CEP164: variants seen among roughly 807,000 people sequenced by gnomAD.
CEP164 encodes centrosomal protein 164.
Under a neutral mutation model 182.7 loss-of-function variants are expected in CEP164, and 162 were observed. The observed-to-expected ratio is 0.89, with a 90% CI of 0.78 to 1.01. The LOEUF (loss-of-function observed/expected upper bound fraction) is 1.01, where lower values mean the gene tolerates loss of function less well. Among genes scored for constraint, CEP164 ranks in the 50% least tolerant of loss-of-function variants. The probability of loss-of-function intolerance (pLI) is 0.00; values close to 1 mark genes in which losing one functional copy is unlikely to be tolerated. For missense variants in CEP164, 1,735 were observed against 1,790.4 expected (o/e 0.97, Z 0.56); for synonymous variants, 661 against 690.0 (o/e 0.96, Z 0.66).
At chr11:117,373,407 T>C (rs1565517942) in intron 9 of CEP164, among the ~76,000 whole-genome samples, 1 of 151,920 alleles carries the variant, frequency 6.6e-6, no homozygotes, top group African/African-American at 2.4e-5. Flanking sequence ...GGAAAGATGT[T>C]CTCCTTCTGT....
At chr11:117,376,969 A>C (rs2042805630) in intron 11 of CEP164, among the ~76,000 whole-genome samples, 1 of 152,172 alleles carries the variant, frequency 6.6e-6, no homozygotes, top group Non-Finnish European at 1.5e-5. Context: ...GGGAGCTTGA[A>C]AAAAAGACAG....
chr11:117,383,038 G>T, intron 14 of CEP164, 96 bp downstream of exon 14: 2 of 1,412,188 alleles, frequency 1.4e-6, no homozygotes, highest in South Asian at 2.7e-5. Context: ...TGGGGCTCAG[G>T]CTCTGGCCAA....
chr11:117,395,746 GC>G, intron 24 of CEP164, 24 bp downstream of exon 24: 1 of 1,588,564 alleles, frequency 6.3e-7, no homozygotes, highest in Non-Finnish European at 8.6e-7. Flanking sequence ...CCTGCACTTA[GC>G]CCTGCTGGCT....
At chr11:117,376,749 G>C (rs1391969178) in intron 11 of CEP164, among the ~76,000 whole-genome samples, 1 of 152,222 alleles carries the variant, frequency 6.6e-6, no homozygotes, top group Non-Finnish European at 1.5e-5. Context: ...CAGCTACCAG[G>C]TCCTTGTTGG....
chr11:117,377,707 T>G (rs941570004), intron 11 of CEP164, among the ~76,000 whole-genome samples: 4 of 152,172 alleles, frequency 2.6e-5, no homozygotes, highest in African/African-American at 9.7e-5. Flanking sequence ...TCATTTAAAA[T>G]ATTTGCAATG....
At chr11:117,375,849 C>G in intron 11 of CEP164, 58 bp downstream of exon 11, 1 of 1,505,648 alleles carries the variant, frequency 6.6e-7, no homozygotes, top group South Asian at 1.1e-5. Flanking sequence ...ACAACTTTTT[C>G]GGATGACCCA....
At chr11:117,410,207 A>G (rs2047193630) in intron 30 of CEP164, 1 of 615,220 alleles carries the variant, frequency 1.6e-6, no homozygotes, top group African/African-American at 1.8e-5. Context: ...GGGACGGTTT[A>G]GATGGAGCCT....
At chr11:117,387,129 A>T in intron 14 of CEP164, 74 bp from the exon 15 acceptor site, 1 of 1,316,566 alleles carries the variant, frequency 7.6e-7, no homozygotes, top group Non-Finnish European at 1.1e-6. Flanking sequence ...GATGTTCCGT[A>T]TCCATTCTAA....
In CEP164 at chr11:117,386,838, C is replaced by CTG. The variant is rs553243054; in HGVS notation, c.1725-362_1725-361dup. 2.2e-4 allele frequency: 50 copies of CTG among 231,582 alleles called. No homozygotes were observed. The South Asian group carries it at 3.7e-3, about 17-fold the overall frequency. The allele number at this position is 231,582 out of a possible 1,614,324, so 14.3% of individuals were successfully genotyped here. A position where few individuals can be genotyped will look rare whatever the true frequency, so the allele number is the denominator to read the frequency against. On this transcript the variant is annotated intron_variant, in intron 14 of 32. Transcript: ENST00000278935. ...CTCTAGCGGGGAGGTGGTAACGGGGCTGTGAGCCATTCTAGGAAGGAATCC... is the reference window on the plus strand; with the variant it reads ...CTCTAGCGGGGAGGTGGTAACGGGGCTGTGTGAGCCATTCTAGGAAGGAATCC...
At chr11:117,329,895 A>G (rs958105199) in intron 1 of CEP164, among the ~76,000 whole-genome samples, 12 of 148,034 alleles carry the variant, frequency 8.1e-5, no homozygotes, top group African/African-American at 3.0e-4. Context: ...CTTATTTGAA[A>G]AGTGAAGATA....
At position 117,382,838 on chromosome 11, in the gene CEP164, G is replaced by A. The variant is rs1390391257; in HGVS notation, c.1620G>A (p.Lys540=). 6.2e-7 allele frequency: 1 copy of A among 1,614,162 alleles called. No individual in the cohort carries two copies. The highest frequency in any genetic ancestry group is 8.5e-7 in the Non-Finnish European group (1 of 1,180,020). ...CACCTGCTGCCTGTGAGAAGGGCAA[G>A]GAGCAGCATTCCCAGGCCGAGGAGC... is the stretch of plus-strand genomic sequence containing the variant. ...PSPPAACEKG[K]EQHSQAEELG... Residue 540 remains lysine (K), a synonymous_variant, in exon 14 of 33, where the codon AAG becomes AAA. Transcript: ENST00000278935.
intron 5 of CEP164, chr11:117,356,624 T>A: frequency 7.8e-7 from 1 of 1,280,572 alleles, no homozygotes; most frequent in Non-Finnish European, 1.0e-6. Flanking sequence ...CCAGGTAGGC[T>A]TCTTAGTGAG....
chr11:117,349,924 G>A lies in CEP164; in HGVS notation c.195-1866G>A, dbSNP rs181518177. On this transcript the variant is annotated intron_variant, in intron 4 of 32. Coordinates refer to ENST00000278935, the MANE Select transcript of CEP164 (RefSeq NM_014956.5). ...TGAGTAGCTGGGATTACAGGCACAC[G>A]CCACCATGCCTGGCTAATTTTTGTA... 8.1e-4 allele frequency among the ~76,000 whole-genome samples: 124 copies of A among 152,154 alleles called. 1 individual carries two copies. The highest frequency in any genetic ancestry group is 2.7e-3 in the African/African-American group (114 of 41,504).
At chr11:117,325,982 C>T (rs985774909), upstream of CEP164, among the ~76,000 whole-genome samples, 1 of 141,338 alleles carries the variant, frequency 7.1e-6, no homozygotes, top group Admixed American at 7.6e-5. Context: ...GAGACCTTGG[C>T]TTACCACAGA....
At chr11:117,345,543 G>A (rs1006279690) in intron 4 of CEP164, among the ~76,000 whole-genome samples, 1 of 152,116 alleles carries the variant, frequency 6.6e-6, no homozygotes, top group Non-Finnish European at 1.5e-5. Flanking sequence ...GTGCAATTTT[G>A]TAGACAAGGC....
intron 11 of CEP164, among the ~76,000 whole-genome samples, chr11:117,377,141 C>T (rs1340478845): frequency 1.3e-5 from 2 of 152,074 alleles, no homozygotes; most frequent in East Asian, 1.9e-4. Context: ...CCAGCGGTCC[C>T]CAACCTTTTT....
At chr11:117,349,221 C>T (rs898345793) in intron 4 of CEP164, among the ~76,000 whole-genome samples, 2 of 152,072 alleles carry the variant, frequency 1.3e-5, no homozygotes, top group Admixed American at 6.6e-5. Flanking sequence ...CGAGGTTTCA[C>T]CATGTTGGCC....
At chr11:117,404,621 G>A (rs1241566783) in intron 27 of CEP164, among the ~76,000 whole-genome samples, 1 of 152,252 alleles carries the variant, frequency 6.6e-6, no homozygotes, top group Non-Finnish European at 1.5e-5. Flanking sequence ...CAGTCAGGAG[G>A]CATGGGGGTC....
Position 117,394,513 on chromosome 11 carries a change from G to T in CEP164, c.2760+20G>T, listed in dbSNP as rs1181105339. 1.2e-6 allele frequency: 2 copies of T among 1,612,362 alleles called. No homozygotes were observed. Among genetic ancestry groups the T allele is most frequent in the African/African-American group, 2.7e-5 (2 of 75,002 alleles). On this transcript the variant is annotated intron_variant, in intron 21 of 32. Transcript: ENST00000278935. This position sits in a 1 kb window ranked among gnomAD's most constrained non-coding sequence, Gnocchi z 4.0. ...GAGCAGGTGAGGGGCCTGGGGCAGG[G>T]TGAGCCCACTGTGACCCCTCCATGC...
Sources: gnomAD v4.1 joint callset for allele counts (sites outside exome capture counted in the v4.1 genomes callset) on GRCh38, gnomAD v4.1.1 for gene constraint, Gnocchi (gnomAD v3.1) non-coding constraint, MANE v1.5 for transcripts, NCBI Gene and HGNC (gene_info 2026-07-23, HGNC 2026-07-21) for gene names.